The following B3GALT1 variants were observed in gnomAD, a reference collection of about 807,000 sequenced individuals.
The protein encoded by B3GALT1 is UDP-Gal:betaGlcNAc beta 1,3-galactosyltransferase, polypeptide 1.
B3GALT1 carries 10 observed loss-of-function variants against 23.2 expected under a neutral mutation model. The observed-to-expected ratio is 0.43, with a 90% confidence interval of 0.27 to 0.73. The LOEUF (loss-of-function observed/expected upper bound fraction) is 0.73. Ranked by LOEUF, B3GALT1 falls within the 30% of genes least tolerant of loss-of-function variation. The pLI is 0.21. For synonymous variants in B3GALT1, 156 were observed against 141.5 expected, an observed-to-expected ratio of 1.10 and a Z score of -0.73; for missense variants, 299 against 405.4, an observed-to-expected ratio of 0.74 and a Z score of 2.25.
intron 2 of B3GALT1, among the ~76,000 whole-genome samples, chr2:167,610,648 A>G (rs1685043126): frequency 1.3e-5 from 2 of 152,028 alleles, no homozygotes; most frequent in Admixed American, 1.3e-4. Context: ...TGGTAGTGGT[A>G]GTTATTCCAA....
At chr2:167,379,202 A>G (rs1215852451) in intron 1 of B3GALT1, among the ~76,000 whole-genome samples, 1 of 152,218 alleles carries the variant, frequency 6.6e-6, no homozygotes, top group Admixed American at 6.5e-5. Flanking sequence ...AGGAACTACT[A>G]AACACCTATA....
intron 1 of B3GALT1, among the ~76,000 whole-genome samples, chr2:167,461,770 T>C (rs1699262501): frequency 6.6e-6 from 1 of 152,176 alleles, no homozygotes; most frequent in African/African-American, 2.4e-5. Flanking sequence ...TGTGATTCTT[T>C]TAGGCAATTA....
intron 2 of B3GALT1, among the ~76,000 whole-genome samples, chr2:167,622,367 G>C (rs1685274493): frequency 6.6e-6 from 1 of 152,122 alleles, no homozygotes; most frequent in Admixed American, 6.6e-5. Flanking sequence ...AAGTGAGCCA[G>C]TGGTGCCAGG....
chr2:167,475,608 T>C (rs1213374314), intron 1 of B3GALT1, among the ~76,000 whole-genome samples: 1 of 152,110 alleles, frequency 6.6e-6, no homozygotes, highest in African/African-American at 2.4e-5. Context: ...TGATAAGCAC[T>C]TGGTTAAGAT....
intron 2 of B3GALT1, among the ~76,000 whole-genome samples, chr2:167,634,524 A>G (rs755323528): frequency 2.8e-4 from 43 of 152,252 alleles, no homozygotes; most frequent in African/African-American, 9.1e-4. Flanking sequence ...GGATATCACA[A>G]CTGATCCCAC....
chr2:167,601,033 G>T (rs376449635), intron 2 of B3GALT1, among the ~76,000 whole-genome samples: 3 of 152,040 alleles, frequency 2.0e-5, no homozygotes, highest in African/African-American at 7.2e-5. Flanking sequence ...CTTGACTTCT[G>T]TAAAGAACAA....
intron 1 of B3GALT1, among the ~76,000 whole-genome samples, chr2:167,482,699 G>A (rs1038074792): frequency 1.3e-5 from 2 of 152,070 alleles, no homozygotes; most frequent in African/African-American, 4.8e-5. Flanking sequence ...AATTAGCCGG[G>A]CATGGTGGCA....
chr2:167,476,730 T>G (rs1699492014), intron 1 of B3GALT1, among the ~76,000 whole-genome samples: 1 of 152,218 alleles, frequency 6.6e-6, no homozygotes, highest in South Asian at 2.1e-4. Flanking sequence ...ATGGCTTCCT[T>G]AAATTTTTGA....
intron 1 of B3GALT1, among the ~76,000 whole-genome samples, chr2:167,450,716 C>T (rs62196676): frequency 2.0e-5 from 3 of 152,104 alleles, no homozygotes; most frequent in African/African-American, 4.8e-5. Context: ...TTTCTTTGAG[C>T]TTCTTGTATT....
chr2:167,311,242 A>G (rs1696630630), intron 1 of B3GALT1, among the ~76,000 whole-genome samples: 1 of 152,086 alleles, frequency 6.6e-6, no homozygotes, highest in Non-Finnish European at 1.5e-5. Context: ...GTTTTGTGTC[A>G]GTTCAGAATT....
Position 167,378,689 on chromosome 2 carries a change from T to G in B3GALT1, c.-511+85355T>G, listed in dbSNP as rs138049994. ...TCCAGGAGCTTTGATTGATTTCTTT[T>G]AAAGATATCTATTTCTTATTTCATT... is the stretch of plus-strand genomic sequence containing the variant. On this transcript the variant is annotated intron_variant, in intron 1 of 4. Transcript: ENST00000392690. 2.6e-4 allele frequency among the ~76,000 whole-genome samples: 39 copies of G among 152,210 alleles called. No homozygotes were observed. In the East Asian group the frequency reaches 7.3e-3, roughly 29 times the overall value.
At chr2:167,350,187 G>A (rs1697287183) in intron 1 of B3GALT1, among the ~76,000 whole-genome samples, 1 of 152,148 alleles carries the variant, frequency 6.6e-6, no homozygotes, top group African/African-American at 2.4e-5. Context: ...ATAATGCTAA[G>A]TAACTGCCAT....
chr2:167,355,020 C>T (rs539742936), intron 1 of B3GALT1, among the ~76,000 whole-genome samples: 55 of 152,320 alleles, frequency 3.6e-4, no homozygotes, highest in African/African-American at 1.3e-3. Flanking sequence ...TAATTCTTTT[C>T]ATCCTTCATG....
intron 4 of B3GALT1, among the ~76,000 whole-genome samples, chr2:167,836,782 G>A (rs181504819): frequency 6.6e-6 from 1 of 152,100 alleles, no homozygotes; most frequent in East Asian, 1.9e-4. Context: ...GAGAGAAAGG[G>A]CGGGTTACCC....
Position 167,510,415 on chromosome 2 carries a change from T to G in B3GALT1, c.-410+20138T>G, listed in dbSNP as rs531365712. Among the ~76,000 whole-genome samples, 313 of 151,346 alleles carry G rather than the reference T, an allele frequency of 2.1e-3. 3 individuals carry two copies. The highest frequency in any genetic ancestry group is 6.4e-3 in the African/African-American group (263 of 41,372). ...TCATGATTGCAAGTTTTGTTTTTTT[T>G]TTTTTTTTTTTCCAGCCTAAGTTAT... is the stretch of plus-strand genomic sequence containing the variant. On this transcript the variant is annotated intron_variant, in intron 2 of 4. Coordinates refer to ENST00000392690, the MANE Select transcript of B3GALT1 (RefSeq NM_020981.4).
intron 1 of B3GALT1, among the ~76,000 whole-genome samples, chr2:167,457,818 G>C (rs1452584344): frequency 1.3e-5 from 2 of 152,126 alleles, no homozygotes; most frequent in Non-Finnish European, 2.9e-5. Flanking sequence ...GAATTTATTA[G>C]AAATGTGATT....
At chr2:167,639,557 C>G (rs1355083520) in intron 2 of B3GALT1, among the ~76,000 whole-genome samples, 2 of 151,052 alleles carry the variant, frequency 1.3e-5, no homozygotes, top group Non-Finnish European at 2.9e-5. Flanking sequence ...ATTCTATATA[C>G]CTTAATTTAA....
At chr2:167,770,889 C>A (rs1042857259) in intron 3 of B3GALT1, among the ~76,000 whole-genome samples, 6 of 152,176 alleles carry the variant, frequency 3.9e-5, no homozygotes, top group African/African-American at 1.4e-4. Flanking sequence ...GCAAAGGTTG[C>A]ATCTCCCAGT....
chr2:167,563,080 T>C (rs1322366147), intron 2 of B3GALT1, among the ~76,000 whole-genome samples: 2 of 151,804 alleles, frequency 1.3e-5, no homozygotes, highest in Admixed American at 1.3e-4. Context: ...CCATCCGATT[T>C]CTCAATCTTC....
Sources: allele counts gnomAD v4.1 joint callset (sites outside exome capture counted in the v4.1 genomes callset), GRCh38; gene constraint gnomAD v4.1.1; transcripts MANE v1.5; gene names NCBI Gene and HGNC (gene_info 2026-07-23, HGNC 2026-07-21).